TSPAN18: variants seen among roughly 807,000 people sequenced by gnomAD.
The protein encoded by TSPAN18 is tetraspanin-18.
In TSPAN18, 14 loss-of-function variants were observed where a neutral mutation model predicts 27.3. That is an observed-to-expected ratio of 0.51 (90% CI 0.34 to 0.80). The LOEUF is 0.80. Ranked by LOEUF, TSPAN18 falls within the 30% of genes least tolerant of loss-of-function variation. The pLI, the probability that TSPAN18 is intolerant of heterozygous loss-of-function variation, is 0.01. For missense variants in TSPAN18, 268 were observed against 323.9 expected, an observed-to-expected ratio of 0.83 and a Z score of 1.32; for synonymous variants, 143 against 136.5, an observed-to-expected ratio of 1.05 and a Z score of -0.33.
intron 2 of TSPAN18, among the ~76,000 whole-genome samples, chr11:44,858,641 G>GT (rs1166491922): frequency 6.6e-6 from 1 of 152,168 alleles, no homozygotes; most frequent in African/African-American, 2.4e-5. Flanking sequence ...GGGTGATCTG[G>GT]TTCTCTCAGC....
At chr11:44,764,533 A>G (rs1855522486) in intron 2 of TSPAN18, 21 bp downstream of exon 2, 1 of 152,290 alleles carries the variant, frequency 6.6e-6, no homozygotes, top group East Asian at 1.9e-4. Context: ...GCAACATGGC[A>G]GGGTGGCATC....
intron 1 of TSPAN18, among the ~76,000 whole-genome samples, chr11:44,750,408 G>T (rs1290133272): frequency 7.9e-5 from 12 of 152,208 alleles, no homozygotes. Context: ...TTGAAACACT[G>T]TATTTACCCA....
In TSPAN18 at chr11:44,929,344, CAAAAT is replaced by C; in HGVS notation, c.*167_*171del. The C allele has an allele frequency of 3.7e-6, 3 of 821,594 alleles. No homozygotes were observed. Among genetic ancestry groups the C allele is most frequent in the Non-Finnish European group, 5.7e-6 (3 of 530,476 alleles). 50.9% of individuals were successfully genotyped at this position (821,594 alleles called of 1,614,324 possible). ...GAATAGAGCTATTTTTTTAACAAAA[CAAAAT>C]GAAGACAAAAATATGGACTGATGTA... On this transcript the variant is annotated 3_prime_UTR_variant, in exon 10 of 10. Transcript: ENST00000520358.
At chr11:44,911,619 C>G (rs1859717351) in intron 5 of TSPAN18, among the ~76,000 whole-genome samples, 1 of 152,160 alleles carries the variant, frequency 6.6e-6, no homozygotes, top group Admixed American at 6.5e-5. Context: ...ACAGACCCAG[C>G]CTCCCTTTCC....
At chr11:44,794,742 G>C (rs1224384106) in intron 2 of TSPAN18, among the ~76,000 whole-genome samples, 1 of 152,040 alleles carries the variant, frequency 6.6e-6, no homozygotes, top group African/African-American at 2.4e-5. Context: ...TCAGCAGCTG[G>C]GGTATTGGAT....
intron 3 of TSPAN18, among the ~76,000 whole-genome samples, chr11:44,887,420 G>A (rs372013083): frequency 1.4e-4 from 22 of 152,376 alleles, no homozygotes; most frequent in East Asian, 5.8e-4. Context: ...CAGTGGTATA[G>A]CCTTGGGGGA....
intron 2 of TSPAN18, among the ~76,000 whole-genome samples, chr11:44,785,834 G>A (rs1565148283): frequency 2.0e-5 from 3 of 152,214 alleles, no homozygotes; most frequent in Non-Finnish European, 1.5e-5. Context: ...CAGCTTCGAT[G>A]CTGGGGTTCG....
At chr11:44,846,896 C>A (rs1014432318) in intron 2 of TSPAN18, among the ~76,000 whole-genome samples, 3 of 152,182 alleles carry the variant, frequency 2.0e-5, no homozygotes, top group African/African-American at 7.2e-5. Flanking sequence ...AAACCATCAT[C>A]TATTGAATGC....
intron 1 of TSPAN18, among the ~76,000 whole-genome samples, chr11:44,731,629 T>A (rs143267537): frequency 0.24 from 14,555 of 61,352 alleles, 807 homozygotes; most frequent in South Asian, 0.4. Flanking sequence ...TGTGTGTGTG[T>A]GTGTGAGAGA....
chr11:44,890,742 CA>C (rs60185116), intron 3 of TSPAN18, among the ~76,000 whole-genome samples: 8,032 of 80,374 alleles, frequency 0.1, 232 homozygotes, highest in African/African-American at 0.18. Context: ...GACTCCAACT[CA>C]AAAAAAAAAA....
chr11:44,927,762 T>C (rs1387182435), intron 9 of TSPAN18, among the ~76,000 whole-genome samples: 1 of 152,084 alleles, frequency 6.6e-6, no homozygotes, highest in Non-Finnish European at 1.5e-5. Context: ...AGGAATAGCA[T>C]GGGCCCTAGA....
intron 2 of TSPAN18, among the ~76,000 whole-genome samples, chr11:44,828,954 A>C (rs543691633): frequency 2.6e-5 from 4 of 151,648 alleles, no homozygotes; most frequent in Non-Finnish European, 5.9e-5. Flanking sequence ...CCCCACCTCT[A>C]CTCTTGCCCC....
intron 3 of TSPAN18, among the ~76,000 whole-genome samples, chr11:44,873,779 T>C (rs1858255732): frequency 6.6e-6 from 1 of 152,174 alleles, no homozygotes; most frequent in Non-Finnish European, 1.5e-5. Flanking sequence ...GTTACCTGGA[T>C]ACAGAGGCAC....
intron 2 of TSPAN18, among the ~76,000 whole-genome samples, chr11:44,846,279 C>T (rs753645810): frequency 1.3e-5 from 2 of 152,230 alleles, no homozygotes; most frequent in Non-Finnish European, 2.9e-5. Context: ...CGGCTTGTAG[C>T]CAAGAGATCT....
rs535569459 is a variant in TSPAN18, at chr11:44,834,759, T to G, written c.-152-25569T>G. Among the ~76,000 whole-genome samples the G allele has an allele frequency of 4.6e-5, 7 of 152,286 alleles. 1 individual carries two copies. Among genetic ancestry groups the G allele is most frequent in the African/African-American group, 1.7e-4 (7 of 41,558 alleles). On this transcript the variant is annotated intron_variant, in intron 2 of 9. Transcript: ENST00000520358. Reference sequence around the variant, plus strand: ...CACAACACTCACCTCAAAGCACTGTTGTTAAATGGGATAATATTTGCATGG... The same window carrying G: ...CACAACACTCACCTCAAAGCACTGTGGTTAAATGGGATAATATTTGCATGG...
intron 2 of TSPAN18, among the ~76,000 whole-genome samples, chr11:44,777,728 T>C (rs1413076553): frequency 6.6e-6 from 1 of 152,210 alleles, no homozygotes; most frequent in Non-Finnish European, 1.5e-5. Flanking sequence ...TGTGGTTCCC[T>C]GAAGCCTGCC....
intron 2 of TSPAN18, among the ~76,000 whole-genome samples, chr11:44,825,049 G>A (rs1175778060): frequency 6.6e-6 from 1 of 152,170 alleles, no homozygotes. Context: ...CAGTGCTGGA[G>A]CTTTACCTTC....
At chr11:44,765,407 G>A (rs1289068915) in intron 2 of TSPAN18, among the ~76,000 whole-genome samples, 1 of 152,234 alleles carries the variant, frequency 6.6e-6, no homozygotes, top group Non-Finnish European at 1.5e-5. Flanking sequence ...CCGACCCTTG[G>A]TGGTAAATCA....
At chr11:44,848,912 G>A (rs1168804722) in intron 2 of TSPAN18, among the ~76,000 whole-genome samples, 1 of 152,244 alleles carries the variant, frequency 6.6e-6, no homozygotes, top group Admixed American at 6.5e-5. Context: ...CAGGAGGCAG[G>A]TGCTGGGGCC....
Sources: allele counts gnomAD v4.1 joint callset (sites outside exome capture counted in the v4.1 genomes callset), GRCh38; gene constraint gnomAD v4.1.1; transcripts MANE v1.5; gene names NCBI Gene and HGNC (gene_info 2026-07-23, HGNC 2026-07-21).